Variants in RNF2 observed in about 807,000 individuals in gnomAD.
RNF2 encodes the protein ring finger protein 2, also known as E3 ubiquitin-protein ligase RING2.
In RNF2, 6 loss-of-function variants were observed where a neutral mutation model predicts 37.2. The ratio of observed to expected loss-of-function variants is 0.16; its 90% CI spans 0.09 to 0.32. The LOEUF is 0.32. Ranked by LOEUF, RNF2 falls within the 10% of genes least tolerant of loss-of-function variation. The probability of loss-of-function intolerance (pLI) is 1.00; values close to 1 mark genes in which losing one functional copy is unlikely to be tolerated. For missense variants in RNF2, 251 were observed against 404.0 expected (o/e 0.62, Z 3.25); for synonymous variants, 133 against 132.7 (o/e 1.00, Z -0.02).
intron 1 of RNF2, among the ~76,000 whole-genome samples, chr1:185,086,269 C>T (rs1321274089): frequency 6.6e-6 from 1 of 151,932 alleles, no homozygotes; most frequent in Non-Finnish European, 1.5e-5. Flanking sequence ...AGACAAGGAC[C>T]CTGGGGCAGT....
intron 1 of RNF2, among the ~76,000 whole-genome samples, chr1:185,072,521 A>G (rs1169733909): frequency 2.6e-5 from 4 of 152,084 alleles, no homozygotes; most frequent in Non-Finnish European, 5.9e-5. Context: ...TTTAGAATGC[A>G]TGAGGGAGCT....
chr1:185,047,861 G>C (rs867002843), intron 1 of RNF2, among the ~76,000 whole-genome samples: 3 of 152,190 alleles, frequency 2.0e-5, no homozygotes, highest in Non-Finnish European at 4.4e-5. Context: ...CACTGTAGAA[G>C]ACATTGTCAT....
chr1:185,100,089 TA>T, intron 6 of RNF2, 110 bp from the exon 7 acceptor site: 5 of 1,197,386 alleles, frequency 4.2e-6, no homozygotes, highest in Non-Finnish European at 5.9e-6. Context: ...GACAAGTAGT[TA>T]TTCCTAAGAT....
At chr1:185,091,822 T>C (rs1185378439) in intron 3 of RNF2, 83 bp downstream of exon 3, 2 of 1,327,772 alleles carry the variant, frequency 1.5e-6, no homozygotes, top group East Asian at 2.4e-5. Context: ...CATTTTCTTT[T>C]TTTTTTTTTT....
intron 1 of RNF2, among the ~76,000 whole-genome samples, chr1:185,059,683 C>T (rs182591638): frequency 2.6e-5 from 4 of 152,206 alleles, no homozygotes; most frequent in African/African-American, 4.8e-5. Flanking sequence ...CTCACTCAGA[C>T]CTGGGTTTGA....
chr1:185,051,128 C>A (rs1650259658), intron 1 of RNF2, among the ~76,000 whole-genome samples: 1 of 152,174 alleles, frequency 6.6e-6, no homozygotes, highest in South Asian at 2.1e-4. Context: ...TACTTTAAAA[C>A]CAACTAATTC....
At chr1:185,095,569 C>T (rs753678396) in intron 4 of RNF2, among the ~76,000 whole-genome samples, 7 of 152,152 alleles carry the variant, frequency 4.6e-5, no homozygotes, top group Non-Finnish European at 7.4e-5. Flanking sequence ...AATTATGACC[C>T]CTAAGAGGGA....
At chr1:185,091,770 C>T (rs758338389) in intron 3 of RNF2, 31 bp downstream of exon 3, 3 of 1,556,484 alleles carry the variant, frequency 1.9e-6, no homozygotes, top group African/African-American at 2.7e-5. Context: ...ATACTAGGTA[C>T]TTAATTGTAC....
intron 4 of RNF2, among the ~76,000 whole-genome samples, chr1:185,096,736 A>G (rs1040920340): frequency 1.3e-5 from 2 of 151,512 alleles, no homozygotes; most frequent in Admixed American, 6.6e-5. Context: ...TGAATAATCC[A>G]TTGTGTGTGC....
At chr1:185,063,831 T>G (rs950251060) in intron 1 of RNF2, among the ~76,000 whole-genome samples, 2 of 152,196 alleles carry the variant, frequency 1.3e-5, no homozygotes, top group Admixed American at 1.3e-4. Context: ...GTGTCTTAGA[T>G]TGCTCTCTTG....
At chr1:185,053,264 A>C (rs1462489588) in intron 1 of RNF2, among the ~76,000 whole-genome samples, 1 of 151,764 alleles carries the variant, frequency 6.6e-6, no homozygotes, top group Non-Finnish European at 1.5e-5. Flanking sequence ...TTTTCCCCCT[A>C]CATTTATTTT....
chr1:185,053,622 G>A (rs1650336066), intron 1 of RNF2, among the ~76,000 whole-genome samples: 1 of 151,918 alleles, frequency 6.6e-6, no homozygotes, highest in African/African-American at 2.4e-5. Context: ...CAAAGTGCTG[G>A]GATTACAGGC....
At chr1:185,058,642 TTAAC>T (rs1411203150) in intron 1 of RNF2, among the ~76,000 whole-genome samples, 28 of 152,256 alleles carry the variant, frequency 1.8e-4, no homozygotes, top group Admixed American at 7.9e-4. Flanking sequence ...TTTTGCTACT[TTAAC>T]TACTTAAGTT....
intron 1 of RNF2, among the ~76,000 whole-genome samples, chr1:185,060,339 C>T (rs1308472443): frequency 1.3e-5 from 2 of 152,202 alleles, no homozygotes; most frequent in Non-Finnish European, 2.9e-5. Flanking sequence ...GTGGTGTCAG[C>T]ATAGAGTGGC....
At chr1:185,076,281 T>TG (rs1651156880) in intron 1 of RNF2, among the ~76,000 whole-genome samples, 6 of 46,558 alleles carry the variant, frequency 1.3e-4, no homozygotes, top group African/African-American at 6.1e-4. Context: ...TTTTTTTTTT[T>TG]TTTTTTTTTT....
intron 1 of RNF2, among the ~76,000 whole-genome samples, chr1:185,067,201 C>T (rs898625056): frequency 6.6e-6 from 1 of 152,164 alleles, no homozygotes; most frequent in African/African-American, 2.4e-5. Flanking sequence ...ATGTTCAGTA[C>T]AGTGACAAGC....
intron 1 of RNF2, among the ~76,000 whole-genome samples, chr1:185,078,611 C>T (rs1036008217): frequency 5.9e-5 from 9 of 152,144 alleles, no homozygotes; most frequent in East Asian, 3.9e-4. Context: ...GGTGGCCTGG[C>T]GCAGTGGCTC....
intron 1 of RNF2, among the ~76,000 whole-genome samples, chr1:185,081,587 G>A (rs975419675): frequency 2.8e-5 from 4 of 145,430 alleles, no homozygotes; most frequent in Non-Finnish European, 4.6e-5. Context: ...AGAGACGGGT[G>A]GGGTGGGGGG....
rs189350224 is a variant in RNF2, at chr1:185,048,925, C to T, written c.-3+3276C>T. Among the ~76,000 whole-genome samples, 266 of 151,736 alleles carry T rather than the reference C, an allele frequency of 1.8e-3. 1 individual carries two copies. The highest frequency in any genetic ancestry group is 2.8e-3 in the Non-Finnish European group (189 of 67,906). ...GCATTTAGGGACCTTGCATTTGGGGCGGGGATGGGGGAGGTGCCTTGGGAG... is the reference window on the plus strand; with the variant it reads ...GCATTTAGGGACCTTGCATTTGGGGTGGGGATGGGGGAGGTGCCTTGGGAG... On this transcript the variant is annotated intron_variant, in intron 1 of 6. Transcript: ENST00000367510.
Sources: gnomAD v4.1 joint callset for allele counts (sites outside exome capture counted in the v4.1 genomes callset) on GRCh38, gnomAD v4.1.1 for gene constraint, MANE v1.5 for transcripts, NCBI Gene and HGNC (gene_info 2026-07-23, HGNC 2026-07-21) for gene names.